ATP9B: variants seen among roughly 807,000 people sequenced by gnomAD.
ATP9B encodes the protein probable phospholipid-transporting ATPase IIB.
In ATP9B, 110 loss-of-function variants were observed where a neutral mutation model predicts 146.1. That is an observed-to-expected ratio of 0.75 (90% CI 0.65 to 0.88). The LOEUF is 0.88. ATP9B is among the 40% of genes least tolerant of loss of function. The pLI, the probability that ATP9B is intolerant of heterozygous loss-of-function variation, is 0.00. For missense variants in ATP9B, 1,499 were observed against 1,496.4 expected (o/e 1.00, Z -0.03); for synonymous variants, 604 against 569.7 (o/e 1.06, Z -0.86).
intron 11 of ATP9B, among the ~76,000 whole-genome samples, chr18:79,227,173 T>A (rs1414096567): frequency 6.6e-6 from 1 of 152,162 alleles, no homozygotes; most frequent in African/African-American, 2.4e-5. Context: ...ACCCATCATT[T>A]TTTTAGTATT....
chr18:79,293,440 A>G (rs1054214409), intron 13 of ATP9B, among the ~76,000 whole-genome samples: 8 of 152,102 alleles, frequency 5.3e-5, no homozygotes, highest in Non-Finnish European at 1.2e-4. Flanking sequence ...TGAATGGATC[A>G]GTGGATTTTC....
At chr18:79,325,465 A>G (rs1220030468) in intron 15 of ATP9B, among the ~76,000 whole-genome samples, 2 of 152,220 alleles carry the variant, frequency 1.3e-5, no homozygotes, top group Admixed American at 6.5e-5. Context: ...GTAAATGCTG[A>G]TAGATTGAGT....
intron 11 of ATP9B, among the ~76,000 whole-genome samples, chr18:79,222,979 G>C (rs1398305612): frequency 2.6e-5 from 4 of 152,150 alleles, no homozygotes; most frequent in Non-Finnish European, 5.9e-5. Flanking sequence ...ATAATAATCA[G>C]TTACTCAGAG....
intron 1 of ATP9B, among the ~76,000 whole-genome samples, chr18:79,091,596 T>A (rs1012491861): frequency 2.0e-5 from 3 of 152,254 alleles, no homozygotes; most frequent in African/African-American, 7.2e-5. Context: ...ACTGTTGGCA[T>A]ATAGAAATGC....
chr18:79,193,175 T>C lies in ATP9B; in HGVS notation c.874-8T>C, dbSNP rs749393005. The C allele has an allele frequency of 3.2e-6, 5 of 1,582,720 alleles. No homozygotes were observed. The highest frequency in any genetic ancestry group is 2.2e-5 in the East Asian group (1 of 44,666). On this transcript the variant is annotated splice_region_variant and splice_polypyrimidine_tract_variant and intron_variant, in intron 8 of 29. Transcript: ENST00000426216. Reference sequence around the variant, plus strand: ...CATTCTAATCGATTCAAATGTTCTGTATTCCAGGACCTTTTTTCTATCAGT... The same window carrying C: ...CATTCTAATCGATTCAAATGTTCTGCATTCCAGGACCTTTTTTCTATCAGT...
chr18:79,326,673 G>T (rs1195935923), intron 15 of ATP9B, among the ~76,000 whole-genome samples: 2 of 152,230 alleles, frequency 1.3e-5, no homozygotes, highest in East Asian at 1.9e-4. Flanking sequence ...GCATGAAAAA[G>T]AAAGGAAGCA....
intron 9 of ATP9B, among the ~76,000 whole-genome samples, chr18:79,196,609 G>T (rs1358679920): frequency 1.3e-5 from 2 of 152,266 alleles, no homozygotes; most frequent in African/African-American, 4.8e-5. Context: ...TGGCAAAATG[G>T]TAGTGACCAG....
chr18:79,197,518 G>A (rs535965293), intron 9 of ATP9B, among the ~76,000 whole-genome samples: 7 of 152,056 alleles, frequency 4.6e-5, no homozygotes, highest in Non-Finnish European at 8.8e-5. Context: ...TCAGAGGCCA[G>A]GTAATAAAAG....
intron 7 of ATP9B, among the ~76,000 whole-genome samples, chr18:79,167,539 G>C (rs981991975): frequency 1.3e-5 from 2 of 152,036 alleles, no homozygotes; most frequent in African/African-American, 4.8e-5. Context: ...CTTGTGGAGT[G>C]TGCAGCCCTC....
At chr18:79,227,463 A>G (rs1282319031) in intron 11 of ATP9B, among the ~76,000 whole-genome samples, 1 of 150,802 alleles carries the variant, frequency 6.6e-6, no homozygotes, top group African/African-American at 2.4e-5. Context: ...TGGGTGGGTG[A>G]GTGAGTGGGT....
intron 17 of ATP9B, 29 bp from the exon 18 acceptor site, chr18:79,336,599 C>T: frequency 6.2e-7 from 1 of 1,608,868 alleles, no homozygotes; most frequent in Non-Finnish European, 8.5e-7. Context: ...CTGCAGGGCC[C>T]ACCTGTGACT....
intron 4 of ATP9B, among the ~76,000 whole-genome samples, chr18:79,120,387 T>C (rs2094167846): frequency 6.6e-6 from 1 of 152,214 alleles, no homozygotes; most frequent in Non-Finnish European, 1.5e-5. Context: ...ACTTACTCCC[T>C]CTGTTCTCTA....
intron 12 of ATP9B, among the ~76,000 whole-genome samples, chr18:79,257,062 G>A (rs1412542650): frequency 6.6e-6 from 1 of 152,218 alleles, no homozygotes; most frequent in Non-Finnish European, 1.5e-5. Flanking sequence ...TACTTTCGGA[G>A]GCTGAGGCAG....
intron 8 of ATP9B, among the ~76,000 whole-genome samples, chr18:79,188,848 G>T: frequency 6.8e-6 from 1 of 147,814 alleles, no homozygotes; most frequent in African/African-American, 2.5e-5. Flanking sequence ...TACTGTAATT[G>T]AATATTTTTA....
intron 3 of ATP9B, among the ~76,000 whole-genome samples, chr18:79,113,031 A>G (rs1015159436): frequency 2.6e-5 from 4 of 152,212 alleles, no homozygotes; most frequent in African/African-American, 9.6e-5. Context: ...CAGTTTATTT[A>G]AAATATATTT....
chr18:79,244,768 A>G (rs1215870059), intron 11 of ATP9B, among the ~76,000 whole-genome samples: 2 of 152,230 alleles, frequency 1.3e-5, no homozygotes, highest in East Asian at 1.9e-4. Context: ...TGTAAGGAGC[A>G]TAGTCTCTTC....
intron 7 of ATP9B, among the ~76,000 whole-genome samples, chr18:79,167,830 G>C (rs918185720): frequency 6.6e-6 from 1 of 152,192 alleles, no homozygotes; most frequent in Non-Finnish European, 1.5e-5. Context: ...GGTTTCACAG[G>C]GGACCTGCCA....
chr18:79,225,496 C>T (rs2095719565), intron 11 of ATP9B, among the ~76,000 whole-genome samples: 1 of 152,230 alleles, frequency 6.6e-6, no homozygotes, highest in African/African-American at 2.4e-5. Flanking sequence ...CTTCCTCTAC[C>T]ATGTCTTCAT....
chr18:79,205,028 G>A (rs765540082), intron 9 of ATP9B, among the ~76,000 whole-genome samples: 3 of 152,082 alleles, frequency 2.0e-5, no homozygotes, highest in African/African-American at 7.2e-5. Flanking sequence ...TCAGGCGGTC[G>A]CCTTCTTGTG....
Sources: allele counts gnomAD v4.1 joint callset (sites outside exome capture counted in the v4.1 genomes callset), GRCh38; gene constraint gnomAD v4.1.1; transcripts MANE v1.5; gene names NCBI Gene and HGNC (gene_info 2026-07-23, HGNC 2026-07-21).